The following CUL4A variants were observed in gnomAD, a reference collection of about 807,000 sequenced individuals.
CUL4A encodes the protein cullin 4A, also known as cullin-4A.
CUL4A carries 16 observed loss-of-function variants against 95.5 expected under a neutral mutation model. That is an observed-to-expected ratio of 0.17 (90% CI 0.11 to 0.25). CUL4A has a LOEUF of 0.25. Ranked by LOEUF, CUL4A falls within the 10% of genes least tolerant of loss-of-function variation. The pLI, the probability that CUL4A is intolerant of heterozygous loss-of-function variation, is 1.00. For missense variants in CUL4A, 610 were observed against 937.0 expected, an observed-to-expected ratio of 0.65 and a Z score of 4.56; for synonymous variants, 380 against 353.1, an observed-to-expected ratio of 1.08 and a Z score of -0.85.
At chr13:113,234,272 A>C (rs1595387563) in intron 7 of CUL4A, among the ~76,000 whole-genome samples, 1 of 152,250 alleles carries the variant, frequency 6.6e-6, no homozygotes, top group Admixed American at 6.5e-5. Context: ...GATGATAAAA[A>C]CATACATGAA....
intron 3 of CUL4A, among the ~76,000 whole-genome samples, chr13:113,222,672 T>C (rs1464016066): frequency 6.6e-6 from 1 of 152,204 alleles, no homozygotes; most frequent in African/African-American, 2.4e-5. Context: ...CTCACGCCTC[T>C]AACCTTAGCA....
chr13:113,241,675 G>A (rs1025128854), intron 10 of CUL4A, among the ~76,000 whole-genome samples: 16 of 151,892 alleles, frequency 1.1e-4, no homozygotes, highest in African/African-American at 3.6e-4. Context: ...CACCACACCT[G>A]GCCAATTTTT....
intron 9 of CUL4A, among the ~76,000 whole-genome samples, chr13:113,237,825 G>T (rs952491870): frequency 2.6e-5 from 4 of 152,190 alleles, no homozygotes; most frequent in Non-Finnish European, 5.9e-5. Flanking sequence ...ATACTTAAGT[G>T]AAACCAGAAT....
At chr13:113,213,179 G>A (rs1356073344) in intron 2 of CUL4A, among the ~76,000 whole-genome samples, 1 of 152,120 alleles carries the variant, frequency 6.6e-6, no homozygotes, top group African/African-American at 2.4e-5. Context: ...CTTGAGCCCA[G>A]GAGTTCGAGA....
upstream of CUL4A, chr13:113,208,374 G>C: frequency 1.4e-6 from 2 of 1,434,484 alleles, no homozygotes; most frequent in Non-Finnish European, 9.1e-7. Flanking sequence ...CGCGATCCAC[G>C]GACACCGCCC....
intron 7 of CUL4A, among the ~76,000 whole-genome samples, chr13:113,234,717 A>G (rs544623501): frequency 6.6e-6 from 1 of 152,234 alleles, no homozygotes; most frequent in Admixed American, 6.5e-5. Flanking sequence ...CAGGGTTGCC[A>G]TTTAGCACCT....
At chr13:113,218,268 G>T (rs2040768242) in intron 2 of CUL4A, among the ~76,000 whole-genome samples, 2 of 152,112 alleles carry the variant, frequency 1.3e-5, no homozygotes. Context: ...TGTATTAGGG[G>T]TGTTCACAGA....
chr13:113,218,203 A>C (rs1426741928), intron 2 of CUL4A, among the ~76,000 whole-genome samples: 3 of 151,982 alleles, frequency 2.0e-5, no homozygotes, highest in Admixed American at 6.6e-5. Flanking sequence ...CTGCCTTTGC[A>C]CTCCAGCCTG....
rs1010701646 is a variant in CUL4A, at chr13:113,239,271, A to G, written c.917-162A>G. 2.6e-5 allele frequency among the ~76,000 whole-genome samples: 4 copies of G among 152,252 alleles called. No homozygotes were observed. The East Asian group carries it at 5.8e-4, about 22-fold the overall frequency. ...GTTCACCTAATAGGATCCATCTCAC[A>G]TATTTAACCAGATCAACCTGCTCAT... is the stretch of plus-strand genomic sequence containing the variant. On this transcript the variant is annotated intron_variant, in intron 9 of 19. Coordinates refer to ENST00000375440, the MANE Select transcript of CUL4A (RefSeq NM_001008895.4).
chr13:113,265,690 C>T lies in CUL4A; in HGVS notation c.*2108C>T, dbSNP rs2042386161. ...GCGTGAGCCACCATGCCCGGCCTGC[C>T]TGTTTCTGTTTTATAAAAGAAAGGA... On this transcript the variant is annotated 3_prime_UTR_variant, in exon 20 of 20. Coordinates refer to ENST00000375440, the MANE Select transcript of CUL4A (RefSeq NM_001008895.4). 6.6e-6 allele frequency: 1 copy of T among 152,304 alleles called. No homozygotes were observed. Among genetic ancestry groups the T allele is most frequent in the South Asian group, 2.1e-4 (1 of 4,820 alleles). 9.4% of individuals were successfully genotyped at this position (152,304 alleles called of 1,614,324 possible). A position where few individuals can be genotyped will look rare whatever the true frequency, so the allele number is the denominator to read the frequency against.
chr13:113,236,017 A>T (rs2041532487), intron 8 of CUL4A, among the ~76,000 whole-genome samples: 1 of 151,956 alleles, frequency 6.6e-6, no homozygotes, highest in African/African-American at 2.4e-5. Context: ...AACTGGACCC[A>T]GTAGGGAATG....
chr13:113,233,304 T>C lies in CUL4A; in HGVS notation c.640T>C (p.Leu214=). The change falls in exon 6 of 20, where the codon TTG becomes CTG. Residue 214 remains leucine, a synonymous_variant. Coordinates refer to ENST00000375440, the MANE Select transcript of CUL4A (RefSeq NM_001008895.4). ...RSGEAVDRSL[L]RSLLGMLSDL... is the part of the protein sequence containing the mutation. Reference sequence around the variant, plus strand: ...CGGCGAGGCCGTGGACCGGAGCCTGTTGCGGAGCCTCCTGGGCATGCTGTC... The same window carrying C: ...CGGCGAGGCCGTGGACCGGAGCCTGCTGCGGAGCCTCCTGGGCATGCTGTC... The C allele has an allele frequency of 6.2e-7, 1 of 1,613,416 alleles. No individual in the cohort carries two copies. The highest frequency in any genetic ancestry group is 1.7e-5 in the Admixed American group (1 of 60,026).
chr13:113,214,418 G>T (rs1399571647), intron 2 of CUL4A, among the ~76,000 whole-genome samples: 1 of 152,132 alleles, frequency 6.6e-6, no homozygotes, highest in Non-Finnish European at 1.5e-5. Context: ...ACAGAAAACT[G>T]AAGACTGCAT....
At chr13:113,221,126 G>A (rs574399714) in intron 3 of CUL4A, among the ~76,000 whole-genome samples, 10 of 152,226 alleles carry the variant, frequency 6.6e-5, no homozygotes, top group African/African-American at 9.6e-5. Context: ...GAAGCAGAGC[G>A]TGGAGGGTGC....
At chr13:113,248,431 C>T (rs1243755291) in intron 15 of CUL4A, among the ~76,000 whole-genome samples, 2 of 152,020 alleles carry the variant, frequency 1.3e-5, no homozygotes, top group Non-Finnish European at 2.9e-5. Context: ...TGTGAGCCAC[C>T]CTTAACACTG....
chr13:113,225,600 C>T (rs2041072110), intron 3 of CUL4A, among the ~76,000 whole-genome samples: 1 of 152,188 alleles, frequency 6.6e-6, no homozygotes, highest in Non-Finnish European at 1.5e-5. Flanking sequence ...AGTTTAACCC[C>T]GTTAAGTTTA....
chr13:113,242,889 C>A, intron 10 of CUL4A, 79 bp from the exon 11 acceptor site: 1 of 1,119,538 alleles, frequency 8.9e-7, no homozygotes, highest in Non-Finnish European at 1.3e-6. Flanking sequence ...TTAAACTATC[C>A]TGATTATATG....
chr13:113,208,321 C>T, upstream of CUL4A: 1 of 1,433,062 alleles, frequency 7.0e-7, no homozygotes, highest in Non-Finnish European at 9.1e-7. Context: ...CAAGTGAGGG[C>T]AGCGACCTGG....
chr13:113,215,947 G>A (rs938864734), intron 2 of CUL4A, among the ~76,000 whole-genome samples: 1 of 151,092 alleles, frequency 6.6e-6, no homozygotes, highest in African/African-American at 2.4e-5. Context: ...TGACTATGGA[G>A]GTCTCGTCTG....
Sources: allele counts gnomAD v4.1 joint callset (sites outside exome capture counted in the v4.1 genomes callset), GRCh38; gene constraint gnomAD v4.1.1; transcripts MANE v1.5; gene names NCBI Gene and HGNC (gene_info 2026-07-23, HGNC 2026-07-21).